Variants in PTPRD observed in about 807,000 individuals in gnomAD.
PTPRD encodes the protein protein tyrosine phosphatase receptor type D, also known as receptor-type tyrosine-protein phosphatase delta.
PTPRD carries 34 observed loss-of-function variants against 214.5 expected under a neutral mutation model. The ratio of observed to expected loss-of-function variants is 0.16; its 90% CI spans 0.12 to 0.21. The LOEUF is 0.21. Among genes scored for constraint, PTPRD ranks in the 10% least tolerant of loss-of-function variants. PTPRD has a pLI of 1.00. For missense variants in PTPRD, 2,545 were observed against 2,398.7 expected (o/e 1.06, Z -1.27); for synonymous variants, 1,128 against 845.7 (o/e 1.33, Z -5.79).
At chr9:8,403,747 T>C (rs10977053) in intron 36 of PTPRD, among the ~76,000 whole-genome samples, 2,743 of 152,298 alleles carry the variant, frequency 0.018, 36 homozygotes, top group South Asian at 0.042. Flanking sequence ...TTAGATAAAT[T>C]AGACATTTCC....
chr9:9,150,439 A>T (rs2099875734), intron 10 of PTPRD, among the ~76,000 whole-genome samples: 1 of 147,240 alleles, frequency 6.8e-6, no homozygotes, highest in Non-Finnish European at 1.5e-5. Flanking sequence ...TATTATATAT[A>T]ATATATATGT....
At chr9:8,908,860 C>T (rs2098726626) in intron 11 of PTPRD, among the ~76,000 whole-genome samples, 2 of 151,112 alleles carry the variant, frequency 1.3e-5, no homozygotes, top group South Asian at 2.1e-4. Context: ...AAAGTAATTA[C>T]TAAAATCAAC....
chr9:10,495,696 G>A (rs1019450656), intron 2 of PTPRD, among the ~76,000 whole-genome samples: 1 of 151,794 alleles, frequency 6.6e-6, no homozygotes, highest in Non-Finnish European at 1.5e-5. Context: ...GAAACATAGA[G>A]ACTGTATGAA....
intron 2 of PTPRD, among the ~76,000 whole-genome samples, chr9:10,383,048 G>T (rs1371777964): frequency 6.6e-6 from 1 of 151,748 alleles, no homozygotes; most frequent in African/African-American, 2.4e-5. Context: ...GATGCCTTAA[G>T]TCATTGTTCA....
chr9:8,513,821 G>A (rs1020915724), intron 21 of PTPRD, among the ~76,000 whole-genome samples: 3 of 152,008 alleles, frequency 2.0e-5, no homozygotes, highest in Non-Finnish European at 4.4e-5. Context: ...TAAGCCTATA[G>A]AACAGATCAA....
chr9:9,552,192 C>T lies in PTPRD; in HGVS notation c.-237+22540G>A, dbSNP rs2080447380. Among the ~76,000 whole-genome samples the T allele has an allele frequency of 2.0e-5, 3 of 151,970 alleles. No individual in the cohort carries two copies. The South Asian group carries it at 6.2e-4, about 31-fold the overall frequency. Reference sequence around the variant, plus strand: ...AGAGAGGTAAATTGATTTACCCAGTCTGATTCAAAAATCCATGCCATTTCC... The same window carrying T: ...AGAGAGGTAAATTGATTTACCCAGTTTGATTCAAAAATCCATGCCATTTCC... On this transcript the variant is annotated intron_variant, in intron 8 of 45. Transcript: ENST00000381196.
intron 9 of PTPRD, among the ~76,000 whole-genome samples, chr9:9,243,501 A>C (rs2099971445): frequency 6.6e-6 from 1 of 152,186 alleles, no homozygotes; most frequent in Non-Finnish European, 1.5e-5. Context: ...CAAATCAATA[A>C]ACGTAATCCA....
intron 3 of PTPRD, among the ~76,000 whole-genome samples, chr9:10,258,286 G>A (rs78660976): frequency 0.012 from 1,851 of 150,050 alleles, 45 homozygotes; most frequent in African/African-American, 0.043. Flanking sequence ...CTACTTCCCC[G>A]TGCATGGTCA....
At chr9:9,611,092 A>G (rs1279988709) in intron 7 of PTPRD, among the ~76,000 whole-genome samples, 1 of 152,186 alleles carries the variant, frequency 6.6e-6, no homozygotes, top group Non-Finnish European at 1.5e-5. Flanking sequence ...CTATCATTTA[A>G]TGTACAAATA....
chr9:8,410,477 A>G (rs369886175), intron 35 of PTPRD, among the ~76,000 whole-genome samples: 3 of 130,674 alleles, frequency 2.3e-5, no homozygotes, highest in East Asian at 2.2e-4. Flanking sequence ...TCTTTGTCCA[A>G]TTAGTTATCA....
At chr9:9,874,304 G>T (rs937589483) in intron 5 of PTPRD, among the ~76,000 whole-genome samples, 2 of 152,028 alleles carry the variant, frequency 1.3e-5, no homozygotes, top group Admixed American at 1.3e-4. Flanking sequence ...TCTAATTTTT[G>T]ATTATATAAT....
intron 11 of PTPRD, among the ~76,000 whole-genome samples, chr9:8,792,718 T>C (rs763630650): frequency 1.3e-5 from 2 of 152,162 alleles, no homozygotes; most frequent in Non-Finnish European, 1.5e-5. Context: ...TAACTATTGA[T>C]AGAAGAAGAC....
chr9:9,859,480 G>T (rs1002872616), intron 5 of PTPRD, among the ~76,000 whole-genome samples: 1 of 152,122 alleles, frequency 6.6e-6, no homozygotes, highest in Non-Finnish European at 1.5e-5. Flanking sequence ...TATATGTTAT[G>T]CATTATTTAA....
intron 11 of PTPRD, among the ~76,000 whole-genome samples, chr9:8,755,667 G>C (rs868223590): frequency 2.2e-4 from 33 of 152,052 alleles, no homozygotes; most frequent in African/African-American, 4.8e-4. Context: ...TTTCTGCTGA[G>C]AAAATATAGC....
intron 2 of PTPRD, among the ~76,000 whole-genome samples, chr9:10,359,893 T>TA (rs2097345255): frequency 6.6e-6 from 1 of 152,176 alleles, no homozygotes; most frequent in Non-Finnish European, 1.5e-5. Flanking sequence ...TCAAGAGTGT[T>TA]ACAGGCTGTT....
chr9:9,274,670 G>C (rs1944274226), intron 9 of PTPRD, among the ~76,000 whole-genome samples: 1 of 151,128 alleles, frequency 6.6e-6, no homozygotes, highest in African/African-American at 2.4e-5. Context: ...TCTTTTGTCA[G>C]AGGTTGCTCT....
At chr9:8,434,577 A>T (rs1436380908) in intron 35 of PTPRD, among the ~76,000 whole-genome samples, 1 of 152,188 alleles carries the variant, frequency 6.6e-6, no homozygotes, top group African/African-American at 2.4e-5. Context: ...TTAACGGCTT[A>T]CTAACAGGTC....
intron 10 of PTPRD, among the ~76,000 whole-genome samples, chr9:9,040,037 C>T (rs898392584): frequency 6.6e-6 from 1 of 151,768 alleles, no homozygotes; most frequent in Non-Finnish European, 1.5e-5. Flanking sequence ...GAGGAAGCTA[C>T]AATTCAGAGA....
chr9:8,763,775 A>G (rs577609409), intron 11 of PTPRD, among the ~76,000 whole-genome samples: 15 of 152,058 alleles, frequency 9.9e-5, no homozygotes, highest in South Asian at 2.1e-4. Flanking sequence ...CCCCTCTCTT[A>G]TATCAAATAA....
Sources: gnomAD v4.1 joint callset for allele counts (sites outside exome capture counted in the v4.1 genomes callset) on GRCh38, gnomAD v4.1.1 for gene constraint, MANE v1.5 for transcripts, NCBI Gene and HGNC (gene_info 2026-07-23, HGNC 2026-07-21) for gene names.